The following LRP1B variants were observed in gnomAD, a reference collection of about 807,000 sequenced individuals.
The protein encoded by LRP1B is low-density lipoprotein receptor-related protein 1B.
LRP1B carries 217 observed loss-of-function variants against 556.6 expected under a neutral mutation model. The ratio of observed to expected loss-of-function variants is 0.39; its 90% CI spans 0.35 to 0.44. The LOEUF is 0.44. Ranked by LOEUF, LRP1B falls within the 20% of genes least tolerant of loss-of-function variation. The pLI, the probability that LRP1B is intolerant of heterozygous loss-of-function variation, is 1.00. For synonymous variants in LRP1B, 2,047 were observed against 1,865.8 expected, an observed-to-expected ratio of 1.10 and a Z score of -2.50; for missense variants, 5,053 against 5,620.8, an observed-to-expected ratio of 0.90 and a Z score of 3.23.
intron 25 of LRP1B, among the ~76,000 whole-genome samples, chr2:140,875,975 C>A (rs768979831): frequency 6.6e-6 from 1 of 152,052 alleles, no homozygotes; most frequent in Non-Finnish European, 1.5e-5. Context: ...TTGTCTTCCA[C>A]GGACAGTTAT....
At chr2:140,583,149 T>C (rs1681838566) in intron 43 of LRP1B, among the ~76,000 whole-genome samples, 1 of 150,352 alleles carries the variant, frequency 6.7e-6, no homozygotes, top group South Asian at 2.1e-4. Context: ...AAAGTTTCTA[T>C]TGACAGTTTC....
intron 86 of LRP1B, among the ~76,000 whole-genome samples, chr2:140,264,460 G>T (rs1281928933): frequency 6.6e-6 from 1 of 151,096 alleles, no homozygotes; most frequent in East Asian, 1.9e-4. Context: ...AACTATGTTA[G>T]CCAGGCTAAT....
intron 43 of LRP1B, among the ~76,000 whole-genome samples, chr2:140,554,300 G>A (rs2105059128): frequency 6.8e-6 from 1 of 147,362 alleles, no homozygotes; most frequent in Middle Eastern, 3.4e-3. Flanking sequence ...ATCTGGGCAA[G>A]TTTTATATTT....
intron 59 of LRP1B, among the ~76,000 whole-genome samples, chr2:140,476,208 T>C (rs1024348168): frequency 3.3e-5 from 5 of 152,006 alleles, no homozygotes; most frequent in African/African-American, 9.7e-5. Flanking sequence ...TTACTTTATG[T>C]TTTAGATGTT....
At chr2:140,602,699 C>A (rs1479801619) in intron 41 of LRP1B, among the ~76,000 whole-genome samples, 1 of 150,492 alleles carries the variant, frequency 6.6e-6, no homozygotes, top group Non-Finnish European at 1.5e-5. Flanking sequence ...TGTGGGAGGG[C>A]AAAACAATAA....
intron 7 of LRP1B, among the ~76,000 whole-genome samples, chr2:141,158,161 A>AT (rs540679187): frequency 6.6e-6 from 1 of 151,988 alleles, no homozygotes; most frequent in Non-Finnish European, 1.5e-5. Context: ...ACATTAATAT[A>AT]TTTTTTTCTC....
At chr2:142,057,521 T>A (rs1035705492) in intron 1 of LRP1B, among the ~76,000 whole-genome samples, 3 of 152,158 alleles carry the variant, frequency 2.0e-5, no homozygotes, top group Non-Finnish European at 4.4e-5. Context: ...AGAACAGTGA[T>A]GATCTGGAAA....
chr2:141,707,277 T>C (rs1379517463), intron 2 of LRP1B, among the ~76,000 whole-genome samples: 1 of 152,066 alleles, frequency 6.6e-6, no homozygotes, highest in African/African-American at 2.4e-5. Context: ...AATGTCACGA[T>C]TTGCCAGGGA....
intron 25 of LRP1B, among the ~76,000 whole-genome samples, chr2:140,881,242 G>T (rs1693463337): frequency 7.7e-6 from 1 of 129,084 alleles, no homozygotes; most frequent in African/African-American, 2.7e-5. Flanking sequence ...GCTTGGCTTG[G>T]CTTTGCTGTA....
rs184077467 is a variant in LRP1B, at chr2:141,036,656, T to C, written c.1789+12330A>G. On this transcript the variant is annotated intron_variant, in intron 11 of 90. Transcript: ENST00000389484. ...AAGCCATATGTCCCTGAGGGAGGGG[T>C]AAGAAACCCCCTGGTCCCACTACAA... Among the ~76,000 whole-genome samples, 5 of 151,510 alleles carry C rather than the reference T, an allele frequency of 3.3e-5. No homozygotes were observed. In the East Asian group the frequency reaches 9.8e-4, roughly 30 times the overall value.
chr2:140,659,346 G>T (rs534107054), intron 41 of LRP1B, among the ~76,000 whole-genome samples: 1 of 151,882 alleles, frequency 6.6e-6, no homozygotes, highest in South Asian at 2.1e-4. Flanking sequence ...CATAAGCGTT[G>T]TAACTTTAAT....
intron 2 of LRP1B, among the ~76,000 whole-genome samples, chr2:141,503,749 G>A (rs150848210): frequency 8.2e-4 from 125 of 152,118 alleles, no homozygotes; most frequent in African/African-American, 2.8e-3. Context: ...CACAAAACTG[G>A]AGAACTAGGT....
chr2:141,869,427 A>G (rs1488171603), intron 1 of LRP1B, among the ~76,000 whole-genome samples: 1 of 152,054 alleles, frequency 6.6e-6, no homozygotes, highest in Non-Finnish European at 1.5e-5. Flanking sequence ...TCAAAGAAAA[A>G]CTACATTATT....
At chr2:141,269,042 C>A (rs1052250467) in intron 3 of LRP1B, among the ~76,000 whole-genome samples, 1 of 152,122 alleles carries the variant, frequency 6.6e-6, no homozygotes, top group Non-Finnish European at 1.5e-5. Flanking sequence ...TGTCCCAGTC[C>A]CCAGCTCCAG....
intron 3 of LRP1B, among the ~76,000 whole-genome samples, chr2:141,444,807 T>A (rs937629466): frequency 1.3e-5 from 2 of 152,202 alleles, no homozygotes; most frequent in African/African-American, 4.8e-5. Flanking sequence ...TGCTTTTTGA[T>A]GTGCTGCTGG....
intron 3 of LRP1B, among the ~76,000 whole-genome samples, chr2:141,299,004 A>C (rs1686292961): frequency 6.6e-6 from 1 of 151,402 alleles, no homozygotes; most frequent in Non-Finnish European, 1.5e-5. Flanking sequence ...TGTAACCATG[A>C]GTATAATACC....
intron 3 of LRP1B, among the ~76,000 whole-genome samples, chr2:141,424,660 C>A (rs1157255776): frequency 6.6e-6 from 1 of 152,112 alleles, no homozygotes; most frequent in East Asian, 1.9e-4. Flanking sequence ...TTTTTCATTT[C>A]TTTAATTCTA....
chr2:141,711,356 T>C (rs1692348330), intron 2 of LRP1B, among the ~76,000 whole-genome samples: 1 of 152,142 alleles, frequency 6.6e-6, no homozygotes, highest in African/African-American at 2.4e-5. Flanking sequence ...ATGAAATCTG[T>C]AGTTAGATTA....
chr2:141,579,909 C>A (rs1686903895), intron 2 of LRP1B, among the ~76,000 whole-genome samples: 1 of 151,946 alleles, frequency 6.6e-6, no homozygotes, highest in Non-Finnish European at 1.5e-5. Flanking sequence ...ACCGCATTAG[C>A]CAGGATGGTC....
Sources: allele counts gnomAD v4.1 joint callset (sites outside exome capture counted in the v4.1 genomes callset), GRCh38; gene constraint gnomAD v4.1.1; transcripts MANE v1.5; gene names NCBI Gene and HGNC (gene_info 2026-07-23, HGNC 2026-07-21).